The following GALNTL5 variants were observed in gnomAD, a reference collection of about 807,000 sequenced individuals.
GALNTL5 encodes the protein polypeptide N-acetylgalactosaminyltransferase like 5.
A neutral mutation model predicts 51.0 loss-of-function variants in GALNTL5; 44 were observed. The observed-to-expected ratio is 0.86, with a 90% CI of 0.68 to 1.11. GALNTL5 has a LOEUF of 1.11. GALNTL5 is among the 50% of genes least tolerant of loss of function. The pLI, the probability that GALNTL5 is intolerant of heterozygous loss-of-function variation, is 0.00. For synonymous variants in GALNTL5, 192 were observed against 182.8 expected (o/e 1.05, Z -0.41); for missense variants, 528 against 531.8 (o/e 0.99, Z 0.07).
intron 3 of GALNTL5, among the ~76,000 whole-genome samples, chr7:151,971,502 A>C (rs1326601249): frequency 6.6e-6 from 1 of 152,212 alleles, no homozygotes; most frequent in Admixed American, 6.5e-5. Context: ...AATCATTGTT[A>C]TGTGATAAAA....
chr7:151,967,772 C>G (rs12532643), intron 2 of GALNTL5, among the ~76,000 whole-genome samples: 32,218 of 151,994 alleles, frequency 0.21, 3,507 homozygotes, highest in South Asian at 0.28. Flanking sequence ...AGTAAAAACT[C>G]CACCTCCCTC....
chr7:151,997,104 A>G (rs2081510099), intron 5 of GALNTL5, among the ~76,000 whole-genome samples: 1 of 152,230 alleles, frequency 6.6e-6, no homozygotes. Flanking sequence ...TACACAGGGT[A>G]AGATGGAGGA....
chr7:152,009,622 A>G (rs1413183208), intron 7 of GALNTL5, among the ~76,000 whole-genome samples: 1 of 152,154 alleles, frequency 6.6e-6, no homozygotes, highest in East Asian at 1.9e-4. Flanking sequence ...GTGAAGCCAC[A>G]CTGGTTGTTA....
rs185735623 is a variant in GALNTL5 at position 152,017,763 on chromosome 7, T to G, written c.1177-1883T>G. On this transcript the variant is annotated intron_variant, in intron 8 of 8. Transcript: ENST00000392800. ...ACTGGATCTACCAAAATTGATCCCA[T>G]TAATAAATAGTACCAGTTGATAAGC... Among the ~76,000 whole-genome samples, 17 of 152,310 alleles carry G rather than the reference T, an allele frequency of 1.1e-4. No homozygotes were observed. The East Asian group carries it at 2.7e-3, about 24-fold the overall frequency.
intron 5 of GALNTL5, among the ~76,000 whole-genome samples, chr7:151,991,485 G>A (rs1056083198): frequency 2.0e-5 from 3 of 152,186 alleles, no homozygotes. Flanking sequence ...TGCAAACGGT[G>A]TAAATTAAGA....
intron 5 of GALNTL5, among the ~76,000 whole-genome samples, chr7:151,998,607 A>T (rs984899146): frequency 2.0e-5 from 3 of 152,092 alleles, no homozygotes; most frequent in Admixed American, 2.0e-4. Flanking sequence ...CCCCATCTCC[A>T]CTAAAAATAC....
intron 8 of GALNTL5, among the ~76,000 whole-genome samples, chr7:152,019,196 C>A (rs1286509208): frequency 6.6e-6 from 1 of 152,200 alleles, no homozygotes; most frequent in East Asian, 1.9e-4. Context: ...TCACACAGAC[C>A]CTGAATGGCA....
chr7:151,999,929 A>C (rs914486481), intron 5 of GALNTL5, among the ~76,000 whole-genome samples: 5 of 152,230 alleles, frequency 3.3e-5, no homozygotes, highest in Non-Finnish European at 7.3e-5. Context: ...TCTGAGAACC[A>C]ATGAGATGGC....
In GALNTL5 at chr7:151,972,330, A is replaced by T. The variant is rs373697097; in HGVS notation, c.368+1265A>T. 1.5e-4 allele frequency among the ~76,000 whole-genome samples: 23 copies of T among 152,290 alleles called. 1 individual carries two copies. The highest frequency in any genetic ancestry group is 1.4e-3 in the East Asian group (7 of 5,182). On this transcript the variant is annotated intron_variant, in intron 3 of 8. Transcript: ENST00000392800. Reference sequence around the variant, plus strand: ...TTGCCCCTACCCTAGAGATCTATGGAACTTTGAACTTGAGGTTTGGAAAAT... The same window carrying T: ...TTGCCCCTACCCTAGAGATCTATGGTACTTTGAACTTGAGGTTTGGAAAAT...
intron 7 of GALNTL5, among the ~76,000 whole-genome samples, chr7:152,008,285 T>A (rs1350451879): frequency 2.4e-5 from 3 of 126,050 alleles, no homozygotes; most frequent in Admixed American, 8.1e-5. Flanking sequence ...CTCGCTATGT[T>A]GCCCAGGGTG....
chr7:152,014,612 A>G (rs112305755), intron 7 of GALNTL5, 32 bp from the exon 8 acceptor site: 9 of 1,576,038 alleles, frequency 5.7e-6, no homozygotes, highest in African/African-American at 4.1e-5. Context: ...GTAATAATGC[A>G]TTCGTATGTT....
intron 8 of GALNTL5, among the ~76,000 whole-genome samples, chr7:152,015,262 A>G (rs1031919124): frequency 2.6e-5 from 4 of 151,906 alleles, no homozygotes; most frequent in Middle Eastern, 3.2e-3. Flanking sequence ...AGTCTTTTTT[A>G]TGGAGGTGCT....
intron 5 of GALNTL5, among the ~76,000 whole-genome samples, chr7:151,999,841 G>A (rs566485113): frequency 1.3e-5 from 2 of 152,200 alleles, no homozygotes; most frequent in African/African-American, 4.8e-5. Flanking sequence ...AGTTTTGGTT[G>A]AGGCATGAAA....
chr7:152,000,273 T>G (rs184797045), intron 5 of GALNTL5, among the ~76,000 whole-genome samples: 2 of 152,320 alleles, frequency 1.3e-5, no homozygotes, highest in East Asian at 3.9e-4. Context: ...TCTAGAAGAA[T>G]GGACAGGCCT....
intron 4 of GALNTL5, chr7:151,983,990 A>C (rs1223339534): frequency 6.6e-6 from 1 of 152,308 alleles, no homozygotes; most frequent in African/African-American, 2.4e-5. Flanking sequence ...CAAGGTGGGC[A>C]GATCCCTCGA....
chr7:152,009,723 C>T (rs116221539), intron 7 of GALNTL5, among the ~76,000 whole-genome samples: 2,106 of 152,256 alleles, frequency 0.014, 56 homozygotes, highest in African/African-American at 0.048. Context: ...CATAGGTCTA[C>T]GCTCCCTGGA....
At chr7:151,957,338 G>C (rs2080938116) in intron 1 of GALNTL5, among the ~76,000 whole-genome samples, 1 of 149,554 alleles carries the variant, frequency 6.7e-6, no homozygotes, top group African/African-American at 2.5e-5. Flanking sequence ...GAGCTCAGGA[G>C]TTTGAGACCA....
At chr7:152,002,019 C>T (rs541770029) in intron 5 of GALNTL5, among the ~76,000 whole-genome samples, 1 of 152,260 alleles carries the variant, frequency 6.6e-6, no homozygotes, top group South Asian at 2.1e-4. Flanking sequence ...CAGAATAGGT[C>T]CCCACTGAAG....
intron 1 of GALNTL5, among the ~76,000 whole-genome samples, chr7:151,964,747 A>G (rs976010261): frequency 6.6e-6 from 1 of 152,182 alleles, no homozygotes; most frequent in African/African-American, 2.4e-5. Context: ...GTGTTGGGCC[A>G]ACCTTGGCCA....
Sources: gnomAD v4.1 joint callset for allele counts (sites outside exome capture counted in the v4.1 genomes callset) on GRCh38, gnomAD v4.1.1 for gene constraint, MANE v1.5 for transcripts, NCBI Gene and HGNC (gene_info 2026-07-23, HGNC 2026-07-21) for gene names.